ERAP1: variants seen among roughly 807,000 people sequenced by gnomAD.
ERAP1 encodes the protein adipocyte-derived leucine aminopeptidase.
In ERAP1, 86 loss-of-function variants were observed where a neutral mutation model predicts 103.7. That is an observed-to-expected ratio of 0.83 (90% CI 0.70 to 0.99). ERAP1 has a LOEUF of 0.99. Among genes scored for constraint, ERAP1 ranks in the 50% least tolerant of loss-of-function variants. The pLI is 0.00. For synonymous variants in ERAP1, 398 were observed against 402.4 expected (o/e 0.99, Z 0.13); for missense variants, 1,009 against 1,128.4 (o/e 0.89, Z 1.52).
At chr5:96,909,137 A>C in the ERAP1 span, 2 of 1,610,586 alleles carry the variant, frequency 1.2e-6, no homozygotes, top group Non-Finnish European at 1.7e-6. Context: ...GCTTTTAGAA[A>C]ATGTATTAAG....
upstream of ERAP1, chr5:96,808,184 ATCCGTGTGTGTGTGTGTGTGTG>A (rs1212833117): frequency 1.9e-4 from 170 of 882,992 alleles, 2 homozygotes; most frequent in Admixed American, 1.6e-3. Context: ...CTGAACGCGG[ATCCGTGTGTGTGTGTGTGTGTG>A]TGTGTGTGTG....
the ERAP1 span, among the ~76,000 whole-genome samples, chr5:96,926,494 C>G: frequency 9.1e-3 from 1,380 of 152,266 alleles, 31 homozygotes; most frequent in East Asian, 0.064. Context: ...AAGGAAATCA[C>G]TAATCTACTT....
the ERAP1 span, among the ~76,000 whole-genome samples, chr5:96,824,667 C>G: frequency 3.9e-5 from 6 of 152,214 alleles, no homozygotes; most frequent in Admixed American, 3.9e-4. Flanking sequence ...ACTTAAATGT[C>G]ACCTTCCCTG....
the ERAP1 span, chr5:96,892,162 A>G: frequency 1.3e-6 from 1 of 791,098 alleles, no homozygotes; most frequent in Non-Finnish European, 2.0e-6. Context: ...CACCCTGTCA[A>G]TGTTAAGATA....
At chr5:96,891,509 ATATATATGCCCATATAC>A in the ERAP1 span, among the ~76,000 whole-genome samples, 5 of 31,488 alleles carry the variant, frequency 1.6e-4, no homozygotes, top group African/African-American at 2.5e-4. Context: ...GTATATATAT[ATATATATGCCCATATAC>A]GGTATATATA....
the ERAP1 span, among the ~76,000 whole-genome samples, chr5:96,932,165 A>AT: frequency 6.6e-6 from 1 of 152,226 alleles, no homozygotes; most frequent in Non-Finnish European, 1.5e-5. Flanking sequence ...CAGTGTATGT[A>AT]TGCTACAAAT....
chr5:96,833,448 A>T, the ERAP1 span, among the ~76,000 whole-genome samples: 2 of 152,226 alleles, frequency 1.3e-5, no homozygotes, highest in Non-Finnish European at 2.9e-5. Context: ...ATGTGGTTAT[A>T]TTGGTGATCA....
chr5:96,810,134 C>A (rs1779070620), upstream of ERAP1, among the ~76,000 whole-genome samples: 2 of 152,296 alleles, frequency 1.3e-5, no homozygotes, highest in South Asian at 4.1e-4. Context: ...GTCGCCCTGG[C>A]CGTGATTTCG....
intron 4 of ERAP1, among the ~76,000 whole-genome samples, chr5:96,796,707 C>A (rs904017848): frequency 6.6e-6 from 1 of 152,172 alleles, no homozygotes; most frequent in Non-Finnish European, 1.5e-5. Flanking sequence ...AATGAGCATC[C>A]GTGACAACAG....
In ERAP1 at chr5:96,775,281, C is replaced by T. The variant is rs1773992020; in HGVS notation, c.*1115G>A. On this transcript the variant is annotated 3_prime_UTR_variant, in exon 19 of 19. Transcript: ENST00000443439. ...GTCTTCACAAAAGAAAGAAAGACTT[C>T]AAAGCCAAAGAATGTCCTATTTGCT... 1.0e-6 allele frequency: 1 copy of T among 967,098 alleles called. No individual in the cohort carries two copies. The highest frequency in any genetic ancestry group is 1.2e-6 in the Non-Finnish European group (1 of 813,820). The allele number at this position is 967,098 out of a possible 1,614,324, so 59.9% of individuals were successfully genotyped here. A position where few individuals can be genotyped will look rare whatever the true frequency, so the allele number is the denominator to read the frequency against.
chr5:96,777,788 A>G (rs1774555566), intron 18 of ERAP1, among the ~76,000 whole-genome samples: 2 of 152,212 alleles, frequency 1.3e-5, no homozygotes, highest in Non-Finnish European at 2.9e-5. Flanking sequence ...ACCTTCTACA[A>G]CAGCGAAGCC....
At chr5:96,765,208 ATTTAC>A in intron 19 of ERAP1, 1 of 1,497,912 alleles carries the variant, frequency 6.7e-7, no homozygotes, top group Non-Finnish European at 9.3e-7. Flanking sequence ...ATTCAGCATT[ATTTAC>A]TTTTCAGCAG....
chr5:96,781,087 C>A lies in ERAP1; in HGVS notation c.2559G>T (p.Leu853=). The change falls in exon 17 of 19, where the codon CTG becomes CTT. Residue 853 remains leucine, a synonymous_variant. Coordinates refer to ENST00000443439, the MANE Select transcript of ERAP1 (RefSeq NM_001040458.3). ...PVGYPLAWQF[L]RKNWNKLVQK... is the part of the protein sequence containing the mutation. ...GTACAAGTTTGTTCCAGTTTTTCCT[C>A]AGAAATTGCCAGGCCAGTGGGTATC... The A allele has an allele frequency of 6.2e-7, 1 of 1,613,908 alleles. No homozygotes were observed.
chr5:96,905,375 C>T, the ERAP1 span, among the ~76,000 whole-genome samples: 1 of 152,052 alleles, frequency 6.6e-6, no homozygotes, highest in African/African-American at 2.4e-5. Context: ...AATTATGAGC[C>T]TTCTCTAATT....
downstream of ERAP1, chr5:96,773,441 CTG>C (rs1163628296): frequency 2.6e-5 from 4 of 152,356 alleles, no homozygotes; most frequent in African/African-American, 9.7e-5. Context: ...TGTTGGTTTA[CTG>C]TGTTAGTAAA....
At chr5:96,895,252 G>A in the ERAP1 span, 1 of 1,604,404 alleles carries the variant, frequency 6.2e-7, no homozygotes, top group Non-Finnish European at 8.5e-7. Context: ...CTAGTGGTTT[G>A]GCAACCTGGT....
At chr5:96,886,921 A>G in the ERAP1 span, 2 of 866,568 alleles carry the variant, frequency 2.3e-6, no homozygotes, top group Non-Finnish European at 3.1e-6. Flanking sequence ...ATAAAAAACT[A>G]AGTTAAAAAT....
chr5:96,871,759 G>T, the ERAP1 span, among the ~76,000 whole-genome samples: 1 of 152,138 alleles, frequency 6.6e-6, no homozygotes, highest in African/African-American at 2.4e-5. Context: ...AGATTTTTAT[G>T]GCGGCATTTT....
chr5:96,854,681 C>T, the ERAP1 span, among the ~76,000 whole-genome samples: 5 of 152,064 alleles, frequency 3.3e-5, no homozygotes, highest in African/African-American at 4.8e-5. Flanking sequence ...AGTTAGAATC[C>T]TAATAAGAAA....
Sources: gnomAD v4.1 joint callset for allele counts (sites outside exome capture counted in the v4.1 genomes callset) on GRCh38, gnomAD v4.1.1 for gene constraint, MANE v1.5 for transcripts, NCBI Gene and HGNC (gene_info 2026-07-23, HGNC 2026-07-21) for gene names.